The following CEP55 variants were observed in gnomAD, a reference collection of about 807,000 sequenced individuals.
CEP55 encodes the protein centrosomal protein of 55 kDa.
A neutral mutation model predicts 63.2 loss-of-function variants in CEP55; 57 were observed. That is an observed-to-expected ratio of 0.90 (90% CI 0.73 to 1.13). The LOEUF (loss-of-function observed/expected upper bound fraction) is 1.13. Among genes scored for constraint, CEP55 ranks in the 50% most tolerant of loss-of-function variants. The pLI is 0.00. For missense variants in CEP55, 456 were observed against 518.9 expected, an observed-to-expected ratio of 0.88 and a Z score of 1.18; for synonymous variants, 178 against 191.6, an observed-to-expected ratio of 0.93 and a Z score of 0.59.
At chr10:93,509,468 CATT>C (rs10606106) in intron 4 of CEP55, among the ~76,000 whole-genome samples, 3,755 of 147,156 alleles carry the variant, frequency 0.026, 81 homozygotes, top group African/African-American at 0.047. Context: ...GAACCATTAA[CATT>C]ATTATTATTA....
intron 3 of CEP55, among the ~76,000 whole-genome samples, chr10:93,506,695 G>A (rs2057692111): frequency 6.6e-6 from 1 of 152,166 alleles, no homozygotes; most frequent in Admixed American, 6.5e-5. Context: ...AGCCTCCCGT[G>A]TAGCTGGGAT....
At chr10:93,522,544 C>A (rs2057875790) in intron 8 of CEP55, among the ~76,000 whole-genome samples, 1 of 152,208 alleles carries the variant, frequency 6.6e-6, no homozygotes. Context: ...CTTCCCCAGT[C>A]TAGCAAGGCA....
chr10:93,505,612 T>C (rs1275128205), intron 3 of CEP55, among the ~76,000 whole-genome samples: 1 of 152,216 alleles, frequency 6.6e-6, no homozygotes, highest in Admixed American at 6.5e-5. Flanking sequence ...GGGCTACATA[T>C]TAAAGTGAAT....
chr10:93,511,499 C>T (rs550683526), intron 4 of CEP55, among the ~76,000 whole-genome samples: 1 of 152,328 alleles, frequency 6.6e-6, no homozygotes, highest in African/African-American at 2.4e-5. Context: ...ATTGAGGGAA[C>T]ATCGCCATCA....
chr10:93,512,226 C>CAA (rs554234979), intron 4 of CEP55, among the ~76,000 whole-genome samples: 2 of 120,212 alleles, frequency 1.7e-5, no homozygotes, highest in African/African-American at 3.2e-5. Context: ...GACTCCGTTT[C>CAA]AAAAAAAAAA....
At chr10:93,524,907 T>C (rs2057904267) in intron 8 of CEP55, among the ~76,000 whole-genome samples, 1 of 152,070 alleles carries the variant, frequency 6.6e-6, no homozygotes, top group South Asian at 2.1e-4. Flanking sequence ...TGCTAAAAAC[T>C]CTCAATAAAT....
Position 93,503,307 on chromosome 10 carries a change from C to G in CEP55, c.378C>G (p.Asp126Glu), listed in dbSNP as rs201117242. 56 of 1,613,978 alleles carry G rather than the reference C, an allele frequency of 3.5e-5. No homozygotes were observed. In the East Asian group the frequency reaches 6.2e-4, roughly 18 times the overall value. The stretch of plus-strand genomic sequence containing the variant: ...TGAAAGCCTTATCTGAAGAGAAAGA[C>G]GTATTGAAACAACAGTTGTCTGCTG... ...QVLKALSEEK[D>E]VLKQQLSAAT... The change falls in exon 3 of 9, where the codon GAC (aspartate) becomes GAG (glutamate). Residue 126 changes from aspartate (D) to glutamate (E), a missense_variant. Transcript: ENST00000371485.
At chr10:93,519,057 C>A in intron 7 of CEP55, 109 bp downstream of exon 7, 3 of 743,984 alleles carry the variant, frequency 4.0e-6, no homozygotes, top group Non-Finnish European at 6.9e-6. Context: ...TGAAAAGTGT[C>A]TTTAAAAGAC....
At chr10:93,510,210 T>A (rs1032565668) in intron 4 of CEP55, among the ~76,000 whole-genome samples, 2 of 152,242 alleles carry the variant, frequency 1.3e-5, no homozygotes, top group Non-Finnish European at 2.9e-5. Context: ...AGCATTATGT[T>A]AGTATAAACT....
At chr10:93,514,568 G>A (rs140433982) in intron 4 of CEP55, among the ~76,000 whole-genome samples, 1 of 152,334 alleles carries the variant, frequency 6.6e-6, no homozygotes, top group African/African-American at 2.4e-5. Flanking sequence ...CAAGGTCTCT[G>A]TCACCCCATG....
chr10:93,509,373 C>G (rs943430901), intron 4 of CEP55, among the ~76,000 whole-genome samples: 2 of 152,128 alleles, frequency 1.3e-5, no homozygotes, highest in African/African-American at 4.8e-5. Context: ...CTCTAATATA[C>G]TAGGTCTGGG....
chr10:93,510,781 T>G (rs1345785059), intron 4 of CEP55: 1 of 152,192 alleles, frequency 6.6e-6, no homozygotes, highest in Non-Finnish European at 1.5e-5. Context: ...TTCTATAATC[T>G]ACCATTCCTA....
chr10:93,497,348 C>T (rs917248475), intron 1 of CEP55, among the ~76,000 whole-genome samples: 6 of 152,200 alleles, frequency 3.9e-5, no homozygotes, highest in Admixed American at 2.6e-4. Flanking sequence ...TCACTGCAAC[C>T]TCTGCCTCCT....
intron 4 of CEP55, chr10:93,510,705 A>T (rs1408601287): frequency 2.0e-5 from 3 of 152,226 alleles, no homozygotes; most frequent in African/African-American, 4.8e-5. Context: ...CTTAAGAACG[A>T]GGATACTCTT....
intron 5 of CEP55, among the ~76,000 whole-genome samples, chr10:93,516,644 T>C (rs2057806240): frequency 6.6e-6 from 1 of 152,224 alleles, no homozygotes; most frequent in African/African-American, 2.4e-5. Flanking sequence ...TCTCCACATA[T>C]AAATAATGAG....
At chr10:93,525,295 AACAG>A (rs2057910173) in intron 8 of CEP55, among the ~76,000 whole-genome samples, 1 of 152,042 alleles carries the variant, frequency 6.6e-6, no homozygotes, top group South Asian at 2.1e-4. Context: ...ATACACCAAT[AACAG>A]ACAGAGAGCC....
chr10:93,521,407 C>T (rs983219894), intron 8 of CEP55, among the ~76,000 whole-genome samples: 3 of 152,112 alleles, frequency 2.0e-5, no homozygotes, highest in Admixed American at 6.6e-5. Flanking sequence ...GAGGGGTGCC[C>T]GCCATTGCTG....
chr10:93,527,886 G>GAA (rs34668129), intron 8 of CEP55, 64 bp from the exon 9 acceptor site: 54,612 of 1,078,644 alleles, frequency 0.051, no homozygotes, highest in Non-Finnish European at 0.059. Flanking sequence ...CTCAAAAAAA[G>GAA]AAAAAAAAAA....
intron 3 of CEP55, among the ~76,000 whole-genome samples, chr10:93,505,870 A>C (rs1486896634): frequency 6.6e-6 from 1 of 151,994 alleles, no homozygotes; most frequent in African/African-American, 2.4e-5. Flanking sequence ...TTTAGATAGA[A>C]TCTTGCTCTG....
Sources: allele counts gnomAD v4.1 joint callset (sites outside exome capture counted in the v4.1 genomes callset), GRCh38; gene constraint gnomAD v4.1.1; transcripts MANE v1.5; gene names NCBI Gene and HGNC (gene_info 2026-07-23, HGNC 2026-07-21).